The following PCDH7 variants were observed in gnomAD, a reference collection of about 807,000 sequenced individuals.
PCDH7 encodes protocadherin-7.
Under a neutral mutation model 58.9 loss-of-function variants are expected in PCDH7, and 17 were observed. The ratio of observed to expected loss-of-function variants is 0.29; its 90% CI spans 0.20 to 0.43. The LOEUF (loss-of-function observed/expected upper bound fraction) is 0.43. PCDH7 is among the 20% of genes least tolerant of loss of function. PCDH7 has a pLI of 1.00. For missense variants in PCDH7, 1,274 were observed against 1,441.0 expected, an observed-to-expected ratio of 0.88 and a Z score of 1.88; for synonymous variants, 664 against 616.4, an observed-to-expected ratio of 1.08 and a Z score of -1.14.
intron 3 of PCDH7, among the ~76,000 whole-genome samples, chr4:31,105,665 T>C (rs1715461546): frequency 1.3e-5 from 2 of 152,108 alleles, no homozygotes; most frequent in African/African-American, 2.4e-5. Flanking sequence ...ATAATAAGTA[T>C]TGTTAGAAAA....
intron 1 of PCDH7, among the ~76,000 whole-genome samples, chr4:30,851,596 T>C (rs1427352381): frequency 2.6e-5 from 4 of 152,054 alleles, no homozygotes; most frequent in African/African-American, 9.7e-5. Context: ...TTCAGTTGCT[T>C]CATTTGTAAC....
chr4:30,989,932 C>G (rs1226312419), intron 3 of PCDH7, among the ~76,000 whole-genome samples: 4 of 152,054 alleles, frequency 2.6e-5, no homozygotes, highest in Non-Finnish European at 5.9e-5. Context: ...AGAATTTATT[C>G]ACATGCCATT....
At chr4:31,028,059 A>T (rs962309439) in intron 3 of PCDH7, among the ~76,000 whole-genome samples, 1 of 151,798 alleles carries the variant, frequency 6.6e-6, no homozygotes, top group Non-Finnish European at 1.5e-5. Context: ...TTTATTTTTA[A>T]TTTTTTTTAA....
chr4:30,952,834 A>G (rs1237618757), intron 3 of PCDH7, among the ~76,000 whole-genome samples: 1 of 152,140 alleles, frequency 6.6e-6, no homozygotes, highest in Non-Finnish European at 1.5e-5. Flanking sequence ...TAGAACTAAA[A>G]TAGTTGTGCC....
rs1377854865 is a variant in PCDH7 at position 30,722,025 on chromosome 4, C to A, written c.603C>A (p.Ala201=). Residue 201 remains alanine, a synonymous_variant, in exon 1 of 2, where the codon GCC becomes GCA. Transcript: ENST00000361762. This position sits in a 1 kb window ranked among gnomAD's most constrained non-coding sequence, Gnocchi z 7.6. ...GCGAGAGCCGGCGCGCCGGGGCGGC[C>A]GACAGCGCCCCCTACCCCGGGGGCG... 1 of 1,253,290 alleles carries A rather than the reference C, an allele frequency of 8.0e-7. No individual in the cohort carries two copies. The highest frequency in any genetic ancestry group is 3.2e-5 in the South Asian group (1 of 31,150). The allele number at this position is 1,253,290 out of a possible 1,614,324, so 77.6% of individuals were successfully genotyped here.
At chr4:30,820,605 A>C (rs190042239) in intron 1 of PCDH7, among the ~76,000 whole-genome samples, 2 of 152,208 alleles carry the variant, frequency 1.3e-5, no homozygotes, top group East Asian at 3.9e-4. Context: ...AGTAAACAAC[A>C]CTAGTTTTTT....
chr4:30,730,488 T>A (rs1183992298), intron 1 of PCDH7, among the ~76,000 whole-genome samples: 1 of 152,154 alleles, frequency 6.6e-6, no homozygotes, highest in African/African-American at 2.4e-5. Flanking sequence ...AAGGTTTATT[T>A]TCAGGAATGT....
chr4:30,846,190 G>A (rs926083378), intron 1 of PCDH7, among the ~76,000 whole-genome samples: 6 of 152,010 alleles, frequency 3.9e-5, no homozygotes, highest in African/African-American at 7.2e-5. Flanking sequence ...TTCTTGCTAC[G>A]GTTTGAATGT....
At chr4:30,925,945 T>C (rs4259023) in intron 2 of PCDH7, 115,326 of 152,068 alleles carry the variant, frequency 0.76, 44,247 homozygotes, top group African/African-American at 0.89. Flanking sequence ...CTTTGAAATC[T>C]GATGACCTCA....
intron 1 of PCDH7, among the ~76,000 whole-genome samples, chr4:30,848,773 G>T (rs1732327762): frequency 6.6e-6 from 1 of 151,998 alleles, no homozygotes; most frequent in Non-Finnish European, 1.5e-5. Flanking sequence ...TTGATTTTAG[G>T]ATGTTTCATG....
intron 1 of PCDH7, among the ~76,000 whole-genome samples, chr4:30,826,619 G>T (rs1017483690): frequency 6.6e-6 from 1 of 152,100 alleles, no homozygotes; most frequent in African/African-American, 2.4e-5. Context: ...AAAGTCTAGA[G>T]ATTTTCAAAC....
intron 1 of PCDH7, among the ~76,000 whole-genome samples, chr4:30,818,667 C>T (rs1383435415): frequency 6.6e-6 from 1 of 152,164 alleles, no homozygotes; most frequent in African/African-American, 2.4e-5. Context: ...TCTGGAACAC[C>T]AATTTCCCAA....
At chr4:30,975,143 T>TTGTGTGTGTGTGTG (rs35675648) in intron 3 of PCDH7, among the ~76,000 whole-genome samples, 32 of 138,850 alleles carry the variant, frequency 2.3e-4, no homozygotes, top group Admixed American at 5.2e-4. Context: ...TTCCCTTTCA[T>TTGTGTGTGTGTGTG]TGTGTGTGTG....
intron 1 of PCDH7, among the ~76,000 whole-genome samples, chr4:30,780,550 T>C (rs530128339): frequency 1.3e-5 from 2 of 152,108 alleles, no homozygotes; most frequent in African/African-American, 2.4e-5. Context: ...AATAGTTGTT[T>C]TTATAAAAAC....
At chr4:30,765,121 G>C (rs1720555732) in intron 1 of PCDH7, among the ~76,000 whole-genome samples, 1 of 51,672 alleles carries the variant, frequency 1.9e-5, no homozygotes, top group Non-Finnish European at 4.9e-5. Context: ...TAGGACTTCA[G>C]ATGCTTTTTT....
At position 31,051,707 on chromosome 4, in the gene PCDH7, C is replaced by G. The variant is rs143468344; in HGVS notation, c.*8-90766C>G. On this transcript the variant is annotated intron_variant, in intron 3 of 3. Transcript: ENST00000509759. ...AGCAGCAGACCTTAAACCTTTACAGCATAAAAATAGCAGTCTCGAGTTGCT... is the reference window on the plus strand; with the variant it reads ...AGCAGCAGACCTTAAACCTTTACAGGATAAAAATAGCAGTCTCGAGTTGCT... 3.1e-3 allele frequency among the ~76,000 whole-genome samples: 467 copies of G among 151,986 alleles called. 3 individuals carry two copies. Among genetic ancestry groups the G allele is most frequent in the African/African-American group, 0.011 (440 of 41,448 alleles).
chr4:30,912,144 G>A (rs1177437098), intron 1 of PCDH7, among the ~76,000 whole-genome samples: 1 of 152,140 alleles, frequency 6.6e-6, no homozygotes. Context: ...TGACTTGAAA[G>A]AAAGAAAGGC....
chr4:31,076,103 C>A (rs1758967939), intron 3 of PCDH7, among the ~76,000 whole-genome samples: 1 of 152,064 alleles, frequency 6.6e-6, no homozygotes, highest in South Asian at 2.1e-4. Context: ...TTTTCCTTGT[C>A]CCTATGTAGT....
At chr4:30,770,309 C>T (rs1392607307) in intron 1 of PCDH7, among the ~76,000 whole-genome samples, 1 of 152,158 alleles carries the variant, frequency 6.6e-6, no homozygotes, top group Admixed American at 6.5e-5. Flanking sequence ...TTTTCTTTTC[C>T]TTCAAGGAAT....
Sources: gnomAD v4.1 joint callset for allele counts (sites outside exome capture counted in the v4.1 genomes callset) on GRCh38, gnomAD v4.1.1 for gene constraint, Gnocchi (gnomAD v3.1) non-coding constraint, MANE v1.5 for transcripts, NCBI Gene and HGNC (gene_info 2026-07-23, HGNC 2026-07-21) for gene names.